The following IL1RAPL2 variants were observed in gnomAD, a reference collection of about 807,000 sequenced individuals.
IL1RAPL2 encodes the protein interleukin 1 receptor accessory protein like 2, also known as X-linked interleukin-1 receptor accessory protein-like 2.
A neutral mutation model predicts 44.1 loss-of-function variants in IL1RAPL2; 3 were observed. The ratio of observed to expected loss-of-function variants is 0.07; its 90% CI spans 0.03 to 0.18. The LOEUF is 0.18. Ranked by LOEUF, IL1RAPL2 falls within the 10% of genes least tolerant of loss-of-function variation. The pLI, the probability that IL1RAPL2 is intolerant of heterozygous loss-of-function variation, is 1.00. For synonymous variants in IL1RAPL2, 181 were observed against 178.8 expected (o/e 1.01, Z -0.10); for missense variants, 391 against 496.4 (o/e 0.79, Z 2.02).
At chrX:105,221,517 T>A (rs1165100397) in intron 3 of IL1RAPL2, among the ~76,000 whole-genome samples, 2 of 111,485 alleles carry the variant, frequency 1.8e-5, no homozygotes, top group Admixed American at 9.5e-5. Flanking sequence ...TTTTATAGGC[T>A]GAGTTTGGAC....
At chrX:104,903,994 G>A (rs924096546) in intron 2 of IL1RAPL2, among the ~76,000 whole-genome samples, 27 of 111,693 alleles carry the variant, frequency 2.4e-4, no homozygotes, top group African/African-American at 8.5e-4. Context: ...GATCATTCTG[G>A]TTCTAAACTT....
intron 3 of IL1RAPL2, among the ~76,000 whole-genome samples, chrX:105,227,121 A>G (rs2034023865): frequency 9.4e-6 from 1 of 106,875 alleles, no homozygotes; most frequent in Non-Finnish European, 1.9e-5. Context: ...ACCTAATGCT[A>G]AATGACGAGT....
intron 2 of IL1RAPL2, among the ~76,000 whole-genome samples, chrX:105,144,010 A>G (rs972471774): frequency 2.8e-5 from 3 of 108,208 alleles, no homozygotes; most frequent in African/African-American, 1.0e-4. Context: ...AAAACAATAA[A>G]CAAAATAAAA....
At chrX:105,495,380 G>C (rs1217368450) in intron 6 of IL1RAPL2, among the ~76,000 whole-genome samples, 1 of 111,947 alleles carries the variant, frequency 8.9e-6, no homozygotes, top group Non-Finnish European at 1.9e-5. Context: ...CAAAAAAACT[G>C]AAGTAATAGT....
intron 2 of IL1RAPL2, among the ~76,000 whole-genome samples, chrX:105,090,370 G>A (rs924673044): frequency 9.0e-6 from 1 of 111,594 alleles, no homozygotes; most frequent in Non-Finnish European, 1.9e-5. Flanking sequence ...TTAACTGGGG[G>A]AAAAAAGTAT....
intron 1 of IL1RAPL2, chrX:104,648,090 T>A: frequency 2.2e-6 from 1 of 445,321 alleles, no homozygotes; most frequent in Non-Finnish European, 4.0e-6. Context: ...TTCCTACAGA[T>A]TTCCATACAC....
intron 5 of IL1RAPL2, among the ~76,000 whole-genome samples, chrX:105,483,967 A>C (rs1308159696): frequency 9.0e-6 from 1 of 111,712 alleles, no homozygotes; most frequent in Non-Finnish European, 1.9e-5. Flanking sequence ...ACCACTACAA[A>C]GCATATATGA....
At chrX:105,424,282 G>A (rs900517071) in intron 5 of IL1RAPL2, among the ~76,000 whole-genome samples, 18 of 111,439 alleles carry the variant, frequency 1.6e-4, no homozygotes, top group African/African-American at 5.6e-4. Flanking sequence ...AAATTGGTTC[G>A]GTCTGGAAAG....
intron 2 of IL1RAPL2, among the ~76,000 whole-genome samples, chrX:105,089,643 A>G (rs2032518925): frequency 8.9e-6 from 1 of 111,869 alleles, no homozygotes; most frequent in African/African-American, 3.2e-5. Flanking sequence ...CAGTAGGAGG[A>G]ATCATACTAT....
chrX:104,866,683 G>A (rs751785217), intron 2 of IL1RAPL2, among the ~76,000 whole-genome samples: 1 of 111,863 alleles, frequency 8.9e-6, no homozygotes, highest in South Asian at 3.7e-4. Context: ...TAGGCATAGA[G>A]AGACTAGTTT....
chrX:104,895,507 G>A (rs997249073), intron 2 of IL1RAPL2, among the ~76,000 whole-genome samples: 2 of 112,490 alleles, frequency 1.8e-5, no homozygotes, highest in Non-Finnish European at 3.8e-5. Flanking sequence ...TCCCAGCCTC[G>A]CTGCTGCCTT....
chrX:105,283,133 T>C (rs1207392975), intron 5 of IL1RAPL2, among the ~76,000 whole-genome samples: 1 of 111,654 alleles, frequency 9.0e-6, no homozygotes, highest in Non-Finnish European at 1.9e-5. Flanking sequence ...TGATATTCTT[T>C]TAACATTCAT....
At chrX:105,397,279 T>C (rs982282996) in intron 5 of IL1RAPL2, among the ~76,000 whole-genome samples, 6 of 111,102 alleles carry the variant, frequency 5.4e-5, no homozygotes, top group African/African-American at 2.0e-4. Context: ...TTCTGAAACC[T>C]GCCACCTCCC....
chrX:105,341,961 A>G (rs761971620), intron 5 of IL1RAPL2, among the ~76,000 whole-genome samples: 1 of 110,017 alleles, frequency 9.1e-6, no homozygotes, highest in South Asian at 4.1e-4. Flanking sequence ...CATATACACC[A>G]TGGAATACTA....
At chrX:105,528,953 C>G (rs1043305995) in intron 6 of IL1RAPL2, among the ~76,000 whole-genome samples, 6 of 110,950 alleles carry the variant, frequency 5.4e-5, no homozygotes, top group Admixed American at 9.6e-5. Flanking sequence ...GTTTCCAAGC[C>G]CTTTTATTTT....
chrX:105,288,745 A>G (rs368415486), intron 5 of IL1RAPL2, among the ~76,000 whole-genome samples: 3 of 110,773 alleles, frequency 2.7e-5, no homozygotes, highest in East Asian at 5.7e-4. Context: ...GCAACCACCT[A>G]TCTGCTTTTT....
chrX:104,595,095 G>A (rs1441886623), intron 1 of IL1RAPL2, among the ~76,000 whole-genome samples: 1 of 111,834 alleles, frequency 8.9e-6, no homozygotes, highest in Non-Finnish European at 1.9e-5. Context: ...AGAATGGACT[G>A]TGTGTGAGGA....
intron 2 of IL1RAPL2, among the ~76,000 whole-genome samples, chrX:105,132,859 A>G (rs1339664971): frequency 1.8e-5 from 2 of 111,861 alleles, no homozygotes; most frequent in African/African-American, 6.5e-5. Context: ...TTTCTCAAAG[A>G]TGGAACTTAA....
intron 1 of IL1RAPL2, among the ~76,000 whole-genome samples, chrX:104,630,234 G>A (rs1309782649): frequency 9.4e-6 from 1 of 106,922 alleles, no homozygotes; most frequent in Non-Finnish European, 1.9e-5. Context: ...TGCAATCTCC[G>A]CCTCCTGGGT....
Sources: gnomAD v4.1 joint callset for allele counts (sites outside exome capture counted in the v4.1 genomes callset) on GRCh38, gnomAD v4.1.1 for gene constraint, MANE v1.5 for transcripts, NCBI Gene and HGNC (gene_info 2026-07-23, HGNC 2026-07-21) for gene names.